The following NDST4 variants were observed in gnomAD, a reference collection of about 807,000 sequenced individuals.
NDST4 encodes the protein N-deacetylase and N-sulfotransferase 4.
A neutral mutation model predicts 100.8 loss-of-function variants in NDST4; 63 were observed. The ratio of observed to expected loss-of-function variants is 0.62; its 90% CI spans 0.51 to 0.77. The LOEUF is 0.77. Ranked by LOEUF, NDST4 falls within the 30% of genes least tolerant of loss-of-function variation. The probability of loss-of-function intolerance (pLI) is 0.00; values close to 1 mark genes in which losing one functional copy is unlikely to be tolerated. For missense variants in NDST4, 943 were observed against 1,018.4 expected, an observed-to-expected ratio of 0.93 and a Z score of 1.01; for synonymous variants, 377 against 361.8, an observed-to-expected ratio of 1.04 and a Z score of -0.48.
chr4:114,926,135 T>C (rs1725381473), intron 6 of NDST4, among the ~76,000 whole-genome samples: 1 of 152,120 alleles, frequency 6.6e-6, no homozygotes, highest in South Asian at 2.1e-4. Context: ...GGGAAATACA[T>C]GTTAGTATTT....
chr4:114,923,829 A>G (rs1414192981), intron 6 of NDST4, among the ~76,000 whole-genome samples: 1 of 151,788 alleles, frequency 6.6e-6, no homozygotes, highest in Admixed American at 6.6e-5. Context: ...CTATTTTACT[A>G]CCTTTCATTC....
intron 2 of NDST4, among the ~76,000 whole-genome samples, chr4:115,021,795 C>A (rs1210217685): frequency 6.6e-6 from 1 of 151,782 alleles, no homozygotes; most frequent in East Asian, 1.9e-4. Context: ...ATACCTTCCA[C>A]ATCTATACAC....
chr4:115,035,932 A>G (rs1728223554), intron 2 of NDST4, among the ~76,000 whole-genome samples: 1 of 152,036 alleles, frequency 6.6e-6, no homozygotes, highest in African/African-American at 2.4e-5. Context: ...GTAAAAATAC[A>G]GAAAGATAAT....
intron 2 of NDST4, among the ~76,000 whole-genome samples, chr4:114,984,816 C>T (rs952396071): frequency 3.3e-5 from 5 of 152,094 alleles, no homozygotes; most frequent in Non-Finnish European, 7.4e-5. Flanking sequence ...TAAACTTTTG[C>T]TTCGATACTA....
At chr4:115,071,844 A>G (rs1729084782) in intron 2 of NDST4, among the ~76,000 whole-genome samples, 1 of 152,156 alleles carries the variant, frequency 6.6e-6, no homozygotes, top group Non-Finnish European at 1.5e-5. Context: ...TAAAGTCAAA[A>G]AGCAAAAACT....
intron 6 of NDST4, among the ~76,000 whole-genome samples, chr4:114,877,446 G>A (rs1724279710): frequency 6.6e-6 from 1 of 152,134 alleles, no homozygotes; most frequent in Non-Finnish European, 1.5e-5. Flanking sequence ...ACTTAAGAGA[G>A]AAATGATTGT....
intron 4 of NDST4, 97 bp downstream of exon 4, chr4:114,970,333 C>T (rs1038743477): frequency 2.8e-6 from 3 of 1,056,058 alleles, no homozygotes; most frequent in East Asian, 5.2e-5. Context: ...ATATTTTATT[C>T]TATTTCTATC....
At chr4:115,014,533 T>C (rs1727632903) in intron 2 of NDST4, among the ~76,000 whole-genome samples, 1 of 152,056 alleles carries the variant, frequency 6.6e-6, no homozygotes, top group South Asian at 2.1e-4. Context: ...CACATTGACT[T>C]AATGACTTGA....
chr4:115,097,979 AT>A (rs1276574187), intron 1 of NDST4, among the ~76,000 whole-genome samples: 1 of 152,196 alleles, frequency 6.6e-6, no homozygotes, highest in Admixed American at 6.5e-5. Flanking sequence ...TTCAAATGTA[AT>A]ATCCTCAGTA....
intron 2 of NDST4, among the ~76,000 whole-genome samples, chr4:115,063,475 G>C (rs1478453074): frequency 6.6e-6 from 1 of 151,790 alleles, no homozygotes; most frequent in African/African-American, 2.4e-5. Context: ...ATTTATTTCA[G>C]GGCACCATGT....
chr4:114,849,509 C>T (rs972918145), intron 8 of NDST4, among the ~76,000 whole-genome samples: 1 of 152,164 alleles, frequency 6.6e-6, no homozygotes, highest in African/African-American at 2.4e-5. Flanking sequence ...GCAAAGGCTA[C>T]TGCACTTTGA....
At chr4:114,988,351 T>C (rs1333744604) in intron 2 of NDST4, among the ~76,000 whole-genome samples, 1 of 135,676 alleles carries the variant, frequency 7.4e-6, no homozygotes, top group Non-Finnish European at 1.6e-5. Flanking sequence ...GATACACATA[T>C]CTTTTTTTTT....
intron 4 of NDST4, among the ~76,000 whole-genome samples, chr4:114,958,541 C>T (rs987602903): frequency 3.3e-5 from 5 of 152,276 alleles, no homozygotes; most frequent in Non-Finnish European, 5.9e-5. Flanking sequence ...TCTGAAGCAA[C>T]GGCTTGAGCA....
chr4:114,827,779 A>G lies in NDST4; in HGVS notation c.*37T>C. 4 of 1,594,264 alleles carry G rather than the reference A, an allele frequency of 2.5e-6. No individual in the cohort carries two copies. Among genetic ancestry groups the G allele is most frequent in the South Asian group, 1.2e-5 (1 of 86,834 alleles). On this transcript the variant is annotated 3_prime_UTR_variant, in exon 14 of 14. Transcript: ENST00000264363. Reference sequence around the variant, plus strand: ...GTGGATTTATTTTTTTTTTAACACTAAAAGTATCTTGAGAGGCTTAGTTCT... The same window carrying G: ...GTGGATTTATTTTTTTTTTAACACTGAAAGTATCTTGAGAGGCTTAGTTCT...
intron 2 of NDST4, among the ~76,000 whole-genome samples, chr4:114,978,127 T>C (rs1726679132): frequency 6.6e-6 from 1 of 152,016 alleles, no homozygotes; most frequent in Admixed American, 6.6e-5. Flanking sequence ...TTCAGAATGC[T>C]TTTTCTATTT....
chr4:114,859,854 A>ATAGGTTT (rs1723880480), intron 7 of NDST4, among the ~76,000 whole-genome samples: 1 of 152,156 alleles, frequency 6.6e-6, no homozygotes. Context: ...AGTTTCCCTT[A>ATAGGTTT]TAGGTTTTTC....
intron 2 of NDST4, among the ~76,000 whole-genome samples, chr4:115,039,162 G>A (rs1728296127): frequency 1.3e-5 from 2 of 152,118 alleles, no homozygotes; most frequent in African/African-American, 4.8e-5. Flanking sequence ...CTACCTATAG[G>A]TGAGAAATTC....
intron 1 of NDST4, among the ~76,000 whole-genome samples, chr4:115,106,086 T>C (rs1307186398): frequency 6.6e-6 from 1 of 151,986 alleles, no homozygotes; most frequent in Non-Finnish European, 1.5e-5. Flanking sequence ...AATTACATCA[T>C]AAGGTAATAA....
intron 2 of NDST4, among the ~76,000 whole-genome samples, chr4:115,072,867 T>G (rs1318825399): frequency 6.6e-6 from 1 of 151,746 alleles, no homozygotes; most frequent in Admixed American, 6.6e-5. Flanking sequence ...TATACAGCAA[T>G]GGAAGCAACA....
Sources: gnomAD v4.1 joint callset for allele counts (sites outside exome capture counted in the v4.1 genomes callset) on GRCh38, gnomAD v4.1.1 for gene constraint, MANE v1.5 for transcripts, NCBI Gene and HGNC (gene_info 2026-07-23, HGNC 2026-07-21) for gene names.